The following RASEF variants were observed in gnomAD, a reference collection of about 807,000 sequenced individuals.
RASEF encodes the protein ras and EF-hand domain-containing protein.
In RASEF, 68 loss-of-function variants were observed where a neutral mutation model predicts 90.1. The observed-to-expected ratio is 0.75, with a 90% confidence interval of 0.62 to 0.92. The LOEUF (loss-of-function observed/expected upper bound fraction) is 0.92, where lower values mean the gene tolerates loss of function less well. Ranked by LOEUF, RASEF falls within the 40% of genes least tolerant of loss-of-function variation. RASEF has a pLI of 0.00. For synonymous variants in RASEF, 331 were observed against 345.2 expected (o/e 0.96, Z 0.46); for missense variants, 949 against 937.2 (o/e 1.01, Z -0.16).
In RASEF at chr9:82,982,430, T is replaced by C. The variant is rs1828623797; in HGVS notation, c.*247A>G. ...TTTTACCATTTTAAAAACATTTACA[T>C]GTTATCTTTTAAGACCTGTAAGGAC... On this transcript the variant is annotated 3_prime_UTR_variant, in exon 17 of 17. Coordinates refer to ENST00000376447, the MANE Select transcript of RASEF (RefSeq NM_152573.4). The C allele has an allele frequency of 3.4e-6, 1 of 291,236 alleles. No homozygotes were observed. The highest frequency in any genetic ancestry group is 2.2e-5 in the African/African-American group (1 of 46,142). The allele number at this position is 291,236 out of a possible 1,614,324, so 18.0% of individuals were successfully genotyped here.
the RASEF span, among the ~76,000 whole-genome samples, chr9:83,116,843 G>T: frequency 2.6e-5 from 4 of 152,138 alleles, no homozygotes; most frequent in Non-Finnish European, 5.9e-5. Flanking sequence ...TAGGCATTCT[G>T]TAAGCAAATT....
At chr9:83,034,913 C>T (rs1381447857) in intron 1 of RASEF, among the ~76,000 whole-genome samples, 1 of 152,170 alleles carries the variant, frequency 6.6e-6, no homozygotes, top group Non-Finnish European at 1.5e-5. Flanking sequence ...TGTTGGTAAT[C>T]AGTAAGTGCC....
chr9:83,194,015 G>C, the RASEF span, among the ~76,000 whole-genome samples: 5 of 152,124 alleles, frequency 3.3e-5, no homozygotes, highest in Admixed American at 1.3e-4. Flanking sequence ...GGATGTACAG[G>C]AAAGCAGAAA....
At chr9:83,167,802 C>G in the RASEF span, among the ~76,000 whole-genome samples, 4 of 152,110 alleles carry the variant, frequency 2.6e-5, no homozygotes, top group Non-Finnish European at 4.4e-5. Flanking sequence ...GGCTCTCTGA[C>G]AGCATAATGT....
the RASEF span, chr9:83,201,980 A>G: frequency 1.3e-5 from 2 of 153,824 alleles, no homozygotes; most frequent in Admixed American, 1.3e-4. Context: ...ATGGTGACTG[A>G]GAAGTGGCTC....
chr9:83,202,762 G>T, the RASEF span, among the ~76,000 whole-genome samples: 10 of 152,040 alleles, frequency 6.6e-5, no homozygotes, highest in African/African-American at 9.7e-5. Context: ...AAAGTGCTGG[G>T]ATTACAGGCT....
the RASEF span, among the ~76,000 whole-genome samples, chr9:83,147,320 C>T: frequency 1.3e-3 from 199 of 152,198 alleles, no homozygotes; most frequent in African/African-American, 4.6e-3. Flanking sequence ...TCCAAACAAA[C>T]GAAAGCACAT....
the RASEF span, among the ~76,000 whole-genome samples, chr9:83,181,181 A>C: frequency 6.6e-6 from 1 of 150,418 alleles, no homozygotes; most frequent in South Asian, 2.1e-4. Flanking sequence ...GGAAAGCCTG[A>C]TCTTAAAAAA....
chr9:83,091,858 C>G, the RASEF span, among the ~76,000 whole-genome samples: 1 of 151,978 alleles, frequency 6.6e-6, no homozygotes, highest in Non-Finnish European at 1.5e-5. Context: ...TCCATCAGTA[C>G]CAAAATTTTG....
At chr9:82,995,161 T>C (rs942340136) in intron 14 of RASEF, among the ~76,000 whole-genome samples, 2 of 152,244 alleles carry the variant, frequency 1.3e-5, no homozygotes, top group African/African-American at 4.8e-5. Flanking sequence ...GATGACAACG[T>C]GTGAAGTTGC....
chr9:83,098,991 G>T, the RASEF span, among the ~76,000 whole-genome samples: 1 of 152,096 alleles, frequency 6.6e-6, no homozygotes, highest in African/African-American at 2.4e-5. Flanking sequence ...AATAGAGCAG[G>T]ATCTGAGAAT....
the RASEF span, among the ~76,000 whole-genome samples, chr9:83,117,611 G>T: frequency 6.6e-6 from 1 of 152,198 alleles, no homozygotes; most frequent in African/African-American, 2.4e-5. Flanking sequence ...TTCAGGTTAA[G>T]AAGTCAAATC....
chr9:83,102,568 C>T, the RASEF span, among the ~76,000 whole-genome samples: 1 of 152,092 alleles, frequency 6.6e-6, no homozygotes, highest in Non-Finnish European at 1.5e-5. Context: ...CTCATAGCTC[C>T]TAAGAGGAGA....
chr9:83,208,200 G>A, the RASEF span, among the ~76,000 whole-genome samples: 3 of 152,230 alleles, frequency 2.0e-5, no homozygotes, highest in South Asian at 6.2e-4. Context: ...GGGCGTCCCT[G>A]CAGGCTGTAC....
the RASEF span, among the ~76,000 whole-genome samples, chr9:83,207,018 C>A: frequency 6.6e-6 from 1 of 152,134 alleles, no homozygotes; most frequent in Non-Finnish European, 1.5e-5. Context: ...TTCAGATAGT[C>A]TAGGACCCTG....
At chr9:83,073,783 C>T in the RASEF span, among the ~76,000 whole-genome samples, 1 of 152,156 alleles carries the variant, frequency 6.6e-6, no homozygotes, top group African/African-American at 2.4e-5. Flanking sequence ...TTACAATATG[C>T]CAATTAGTAG....
chr9:83,154,545 G>C, the RASEF span, among the ~76,000 whole-genome samples: 1 of 152,204 alleles, frequency 6.6e-6, no homozygotes, highest in African/African-American at 2.4e-5. Flanking sequence ...TCTCTGCCCT[G>C]ACCCTGTGTT....
the RASEF span, among the ~76,000 whole-genome samples, chr9:83,094,195 T>C: frequency 6.8e-6 from 1 of 146,106 alleles, no homozygotes; most frequent in Non-Finnish European, 1.5e-5. Flanking sequence ...ATACTTGCAC[T>C]GTCTAATATC....
intron 3 of RASEF, among the ~76,000 whole-genome samples, chr9:83,019,622 A>G (rs1402989619): frequency 1.3e-5 from 2 of 152,244 alleles, no homozygotes; most frequent in Non-Finnish European, 2.9e-5. Flanking sequence ...AAAGACTTGT[A>G]CATGCATATT....
Sources: allele counts gnomAD v4.1 joint callset (sites outside exome capture counted in the v4.1 genomes callset), GRCh38; gene constraint gnomAD v4.1.1; transcripts MANE v1.5; gene names NCBI Gene and HGNC (gene_info 2026-07-23, HGNC 2026-07-21).